LRP1B: variants seen among roughly 807,000 people sequenced by gnomAD.
LRP1B encodes the protein LDL receptor related protein 1B.
In LRP1B, 217 loss-of-function variants were observed where a neutral mutation model predicts 556.6. The ratio of observed to expected loss-of-function variants is 0.39; its 90% confidence interval spans 0.35 to 0.44. LRP1B has a LOEUF of 0.44. Ranked by LOEUF, LRP1B falls within the 20% of genes least tolerant of loss-of-function variation. LRP1B has a pLI of 1.00. For missense variants in LRP1B, 5,053 were observed against 5,620.8 expected (o/e 0.90, Z 3.23); for synonymous variants, 2,047 against 1,865.8 (o/e 1.10, Z -2.50).
At chr2:142,099,503 A>G (rs1224643200) in intron 1 of LRP1B, among the ~76,000 whole-genome samples, 4 of 151,950 alleles carry the variant, frequency 2.6e-5, no homozygotes, top group Admixed American at 2.6e-4. Context: ...ATAATTTATG[A>G]TAAGAAAGGC....
intron 32 of LRP1B, among the ~76,000 whole-genome samples, chr2:140,802,382 C>T (rs1223579492): frequency 6.6e-6 from 1 of 152,118 alleles, no homozygotes; most frequent in Non-Finnish European, 1.5e-5. Context: ...ATCTTGTTTA[C>T]AGGTATCTGA....
intron 1 of LRP1B, among the ~76,000 whole-genome samples, chr2:142,008,727 G>T (rs1288842340): frequency 6.6e-6 from 1 of 151,904 alleles, no homozygotes; most frequent in Non-Finnish European, 1.5e-5. Context: ...GTGAGGAGGT[G>T]CAGGAAATTG....
At chr2:141,311,894 G>A (rs561554486) in intron 3 of LRP1B, among the ~76,000 whole-genome samples, 1 of 152,260 alleles carries the variant, frequency 6.6e-6, no homozygotes, top group Admixed American at 6.5e-5. Flanking sequence ...TGTTGCTATG[G>A]GAAATACCCC....
chr2:141,954,113 C>A (rs1437022486), intron 1 of LRP1B, among the ~76,000 whole-genome samples: 1 of 152,086 alleles, frequency 6.6e-6, no homozygotes, highest in Non-Finnish European at 1.5e-5. Context: ...TAATTTGATG[C>A]CCAGCATCTA....
chr2:140,870,314 A>G (rs995547559), intron 25 of LRP1B, among the ~76,000 whole-genome samples: 9 of 152,122 alleles, frequency 5.9e-5, no homozygotes, highest in African/African-American at 2.2e-4. Flanking sequence ...AGGTCAGAGG[A>G]ACATTGGCCC....
At chr2:141,963,961 G>C (rs1194948358) in intron 1 of LRP1B, among the ~76,000 whole-genome samples, 1 of 97,500 alleles carries the variant, frequency 1.0e-5, no homozygotes, top group African/African-American at 4.3e-5. Context: ...CAGACAAACA[G>C]AGAGCCAAAT....
intron 57 of LRP1B, among the ~76,000 whole-genome samples, chr2:140,492,109 T>C (rs1324048078): frequency 6.6e-6 from 1 of 152,168 alleles, no homozygotes; most frequent in Non-Finnish European, 1.5e-5. Context: ...ACCTGTGACA[T>C]AGAGGAAGAC....
chr2:141,762,637 T>C (rs1161474341), intron 2 of LRP1B, among the ~76,000 whole-genome samples: 1 of 151,958 alleles, frequency 6.6e-6, no homozygotes, highest in Non-Finnish European at 1.5e-5. Context: ...CATGATAAGG[T>C]TTCAACACAA....
intron 2 of LRP1B, among the ~76,000 whole-genome samples, chr2:141,681,088 T>C (rs1038627198): frequency 3.3e-5 from 5 of 151,910 alleles, no homozygotes; most frequent in Non-Finnish European, 7.4e-5. Flanking sequence ...GCTCAGGAGT[T>C]CAAGACCAGC....
chr2:141,034,652 A>G (rs1333423258), intron 11 of LRP1B, among the ~76,000 whole-genome samples: 2 of 151,532 alleles, frequency 1.3e-5, no homozygotes, highest in Non-Finnish European at 3.0e-5. Context: ...CAAAACCACA[A>G]TGAGATACCA....
At chr2:140,331,686 C>CATATATATATATATAT (rs10571873) in intron 79 of LRP1B, among the ~76,000 whole-genome samples, 10 of 143,066 alleles carry the variant, frequency 7.0e-5, no homozygotes, top group African/African-American at 2.5e-4. Context: ...TATATATATA[C>CATATATATATATATAT]ATATATATAT....
At chr2:140,564,130 A>G (rs1681039976) in intron 43 of LRP1B, among the ~76,000 whole-genome samples, 1 of 152,148 alleles carries the variant, frequency 6.6e-6, no homozygotes, top group Non-Finnish European at 1.5e-5. Context: ...ATGTGATTGA[A>G]ATTGGGTAAT....
intron 41 of LRP1B, among the ~76,000 whole-genome samples, chr2:140,639,972 T>C (rs1229411121): frequency 6.6e-6 from 1 of 152,056 alleles, no homozygotes; most frequent in Admixed American, 6.6e-5. Flanking sequence ...AACCCTAGAG[T>C]TTTCCACTCA....
chr2:142,102,915 A>C (rs1014703067), intron 1 of LRP1B, among the ~76,000 whole-genome samples: 6 of 152,012 alleles, frequency 3.9e-5, no homozygotes, highest in Admixed American at 3.9e-4. Context: ...GTTAAGCACT[A>C]TTTTAATTAC....
At position 141,843,740 on chromosome 2, in the gene LRP1B, C is replaced by T. The variant is rs899051018; in HGVS notation, c.83-33339G>A. Among the ~76,000 whole-genome samples, 3 of 152,112 alleles carry T rather than the reference C, an allele frequency of 2.0e-5. No homozygotes were observed. The East Asian group carries it at 5.8e-4, about 29-fold the overall frequency. On this transcript the variant is annotated intron_variant, in intron 1 of 90. Coordinates refer to ENST00000389484, the MANE Select transcript of LRP1B (RefSeq NM_018557.3). ...ATAACAGTTTAACAAGACGGCAAAG[C>T]ATATTCCATTGTGCTACAAATTATT...
At chr2:140,370,398 T>G (rs2105163688) in intron 71 of LRP1B, among the ~76,000 whole-genome samples, 1 of 152,104 alleles carries the variant, frequency 6.6e-6, no homozygotes, top group Non-Finnish European at 1.5e-5. Context: ...TAGTCATGGT[T>G]TCATTGGCTA....
chr2:141,814,945 A>C (rs1303294976), intron 1 of LRP1B, among the ~76,000 whole-genome samples: 1 of 152,166 alleles, frequency 6.6e-6, no homozygotes, highest in African/African-American at 2.4e-5. Context: ...TCAGCCACAG[A>C]TACAGGATGA....
chr2:141,015,926 A>T lies in LRP1B; in HGVS notation c.1971-11T>A, dbSNP rs766930811. The T allele has an allele frequency of 5.2e-5, 84 of 1,603,006 alleles. No homozygotes were observed. The East Asian group carries it at 1.6e-3, about 30-fold the overall frequency. ...GTCCAATACATCCAACTAAGACATT[A>T]AAAAAACAACAAAAATGCATACATG... On this transcript the variant is annotated splice_polypyrimidine_tract_variant and intron_variant, in intron 12 of 90. Coordinates refer to ENST00000389484, the MANE Select transcript of LRP1B (RefSeq NM_018557.3).
chr2:140,732,496 G>T (rs1687812550), intron 35 of LRP1B, among the ~76,000 whole-genome samples: 1 of 152,184 alleles, frequency 6.6e-6, no homozygotes, highest in East Asian at 1.9e-4. Flanking sequence ...AGGAAAAAAA[G>T]TATTCACATG....
Sources: allele counts gnomAD v4.1 joint callset (sites outside exome capture counted in the v4.1 genomes callset), GRCh38; gene constraint gnomAD v4.1.1; transcripts MANE v1.5; gene names NCBI Gene and HGNC (gene_info 2026-07-23, HGNC 2026-07-21).